The following CPA3 variants were observed in gnomAD, a reference collection of about 807,000 sequenced individuals.
CPA3 encodes mast cell carboxypeptidase A.
A neutral mutation model predicts 55.8 loss-of-function variants in CPA3; 52 were observed. The ratio of observed to expected loss-of-function variants is 0.93; its 90% CI spans 0.75 to 1.17. The LOEUF (loss-of-function observed/expected upper bound fraction) is 1.17. CPA3 is among the 50% of genes most tolerant of loss of function. CPA3 has a pLI of 0.00. For missense variants in CPA3, 547 were observed against 509.1 expected (o/e 1.07, Z -0.72); for synonymous variants, 179 against 171.2 (o/e 1.05, Z -0.36).
intron 2 of CPA3, among the ~76,000 whole-genome samples, chr3:148,866,022 T>C (rs1713891948): frequency 6.6e-6 from 1 of 152,212 alleles, no homozygotes; most frequent in South Asian, 2.1e-4. Flanking sequence ...ATCAATCCTT[T>C]AAAATCCAAC....
Position 148,896,668 on chromosome 3 carries a change from C to A in CPA3, c.1215C>A (p.Val405=). ...KPTCRETMLA[V]KFIAKYILKH... ...CGTGCAGAGAGACCATGCTAGCTGT[C>A]AAATTTATTGCCAAGTATATCCTCA... is the stretch of plus-strand genomic sequence containing the variant. Residue 405 remains valine (V), a synonymous_variant, in exon 11 of 11, where the codon GTC becomes GTA. Coordinates refer to ENST00000296046, the MANE Select transcript of CPA3 (RefSeq NM_001870.4). The A allele has an allele frequency of 6.4e-7, 1 of 1,557,644 alleles. No individual in the cohort carries two copies. The highest frequency in any genetic ancestry group is 1.7e-4 in the Middle Eastern group (1 of 5,868).
intron 10 of CPA3, among the ~76,000 whole-genome samples, chr3:148,889,889 A>G (rs1053920682): frequency 6.9e-5 from 10 of 144,266 alleles, no homozygotes; most frequent in African/African-American, 2.4e-4. Context: ...AAAAAAAAAG[A>G]ATCATCAGGA....
At position 148,886,272 on chromosome 3, in the gene CPA3, T is replaced by C. The variant is rs1714524952; in HGVS notation, c.1066+95T>C. 9.1e-6 allele frequency: 7 copies of C among 771,642 alleles called. No homozygotes were observed. In the East Asian group the frequency reaches 1.6e-4, roughly 18 times the overall value. The allele number at this position is 771,642 out of a possible 1,614,324, so 47.8% of individuals were successfully genotyped here. ...GGAATTTGCAATTTAGGTTAGAGCA[T>C]CTGGAATTGCTAATTTAAATTCTAC... On this transcript the variant is annotated intron_variant, in intron 10 of 10. Transcript: ENST00000296046.
chr3:148,886,118 A>T lies in CPA3; in HGVS notation c.1007A>T (p.Asp336Val). The change falls in exon 10 of 11, where the codon GAT becomes GTT. Residue 336 changes from aspartate (D) to valine (V), a missense_variant. Coordinates refer to ENST00000296046, the MANE Select transcript of CPA3 (RefSeq NM_001870.4). ...GCCAAAGTTGCAAAGATTGGCACTG[A>T]TGTTCTATCAACTCGATATGAAACC... ...DLAKVAKIGT[D>V]VLSTRYETRY... 6.2e-7 allele frequency: 1 copy of T among 1,613,712 alleles called. No individual in the cohort carries two copies. Among genetic ancestry groups the T allele is most frequent in the Non-Finnish European group, 8.5e-7 (1 of 1,179,786 alleles).
intron 9 of CPA3, among the ~76,000 whole-genome samples, chr3:148,885,438 G>A (rs2108037076): frequency 8.5e-6 from 1 of 117,336 alleles, no homozygotes; most frequent in Middle Eastern, 7.1e-3. Flanking sequence ...TTTAGACGGA[G>A]TCTCGCTCTG....
At position 148,871,763 on chromosome 3, in the gene CPA3, G is replaced by T. The variant is rs550829739; in HGVS notation, c.269+2724G>T. 4.6e-5 allele frequency among the ~76,000 whole-genome samples: 7 copies of T among 152,336 alleles called. No individual in the cohort carries two copies. In the South Asian group the frequency reaches 1.4e-3, roughly 32 times the overall value. On this transcript the variant is annotated intron_variant, in intron 3 of 10. Coordinates refer to ENST00000296046, the MANE Select transcript of CPA3 (RefSeq NM_001870.4). ...TACAAAGTGGCCCAAATCAGCCACAGTTATGGGAAAGCCAAATAATTAGAT... is the reference window on the plus strand; with the variant it reads ...TACAAAGTGGCCCAAATCAGCCACATTTATGGGAAAGCCAAATAATTAGAT...
chr3:148,894,535 A>T (rs1714773332), intron 10 of CPA3, among the ~76,000 whole-genome samples: 1 of 152,186 alleles, frequency 6.6e-6, no homozygotes, highest in Non-Finnish European at 1.5e-5. Context: ...CACTAATTAA[A>T]GACACATGGG....
In CPA3 at chr3:148,883,730, T is replaced by C. The variant is rs1388040656; in HGVS notation, c.896T>C (p.Val299Ala). Residue 299 changes from valine (V) to alanine (A), a missense_variant, in exon 9 of 11, where the codon GTT becomes GCT. Val to Ala is a moderately conservative substitution (Grantham distance 64). Transcript: ENST00000296046. ...AGAAGCCACCTGAATGAAATCAAGG[T>C]TTACATCACCTTCCATTCCTACTCC... Reference protein sequence around the residue: ...FIRSHLNEIKVYITFHSYSQM... With the variant: ...FIRSHLNEIKAYITFHSYSQM... The C allele has an allele frequency of 6.2e-7, 1 of 1,613,980 alleles. No homozygotes were observed. Among genetic ancestry groups the C allele is most frequent in the Non-Finnish European group, 8.5e-7 (1 of 1,179,916 alleles).
In CPA3 at chr3:148,865,652, A is replaced by G. The variant is rs140701969; in HGVS notation, c.144+104A>G. ...ATGGGACTACAAAAGACTATTGAACATAAGGGGAAAGCAGGAGCTATCTGG... is the reference window on the plus strand; with the variant it reads ...ATGGGACTACAAAAGACTATTGAACGTAAGGGGAAAGCAGGAGCTATCTGG... On this transcript the variant is annotated intron_variant, in intron 2 of 10. Transcript: ENST00000296046. The G allele has an allele frequency of 2.4e-4, 244 of 1,009,730 alleles. 1 individual carries two copies. In the African/African-American group the frequency reaches 3.7e-3, roughly 15 times the overall value. The allele number at this position is 1,009,730 out of a possible 1,614,324, so 62.5% of individuals were successfully genotyped here. A position where few individuals can be genotyped will look rare whatever the true frequency, so the allele number is the denominator to read the frequency against.
rs115556828 is a variant in CPA3 at position 148,877,898 on chromosome 3, G to A, written c.270-543G>A. 8.4e-3 allele frequency among the ~76,000 whole-genome samples: 1,281 copies of A among 152,228 alleles called. 10 individuals carry two copies. Among genetic ancestry groups the A allele is most frequent in the Non-Finnish European group, 0.015 (990 of 68,018 alleles). On this transcript the variant is annotated intron_variant, in intron 3 of 10. Transcript: ENST00000296046. ...TGCATGAAAGAATCCCTTGTTGCCT[G>A]TGTTTATGTGGATGTAGATGTGTGT...
At chr3:148,867,343 C>T (rs768140737) in intron 2 of CPA3, among the ~76,000 whole-genome samples, 8 of 152,204 alleles carry the variant, frequency 5.3e-5, no homozygotes, top group Admixed American at 1.3e-4. Context: ...TTTGGCTGCT[C>T]CTTGTGCTCC....
intron 2 of CPA3, among the ~76,000 whole-genome samples, 161 bp downstream of exon 2, chr3:148,865,709 T>C (rs1316361321): frequency 6.6e-6 from 1 of 152,206 alleles, no homozygotes; most frequent in East Asian, 1.9e-4. Flanking sequence ...ACTTCACCTG[T>C]TCTGGTTTTG....
intron 10 of CPA3, among the ~76,000 whole-genome samples, chr3:148,894,309 G>A (rs1714761721): frequency 6.6e-6 from 1 of 152,000 alleles, no homozygotes; most frequent in African/African-American, 2.4e-5. Flanking sequence ...TTAGACTGTG[G>A]TAAGTTATGT....
intron 6 of CPA3, among the ~76,000 whole-genome samples, chr3:148,880,817 T>C (rs1714341988): frequency 6.6e-6 from 1 of 152,148 alleles, no homozygotes; most frequent in South Asian, 2.1e-4. Context: ...TAGAAAAGAA[T>C]CCACCAGGAA....
chr3:148,891,114 C>G (rs1180814666), intron 10 of CPA3, among the ~76,000 whole-genome samples: 1 of 152,160 alleles, frequency 6.6e-6, no homozygotes, highest in African/African-American at 2.4e-5. Context: ...GTTGCTTAAT[C>G]TCTCTGAGCC....
chr3:148,883,537 T>C, intron 8 of CPA3, 76 bp from the exon 9 acceptor site: 4 of 1,186,010 alleles, frequency 3.4e-6, no homozygotes, highest in Non-Finnish European at 3.7e-6. Context: ...TCTGTGAATC[T>C]ATAATACATT....
intron 10 of CPA3, among the ~76,000 whole-genome samples, chr3:148,893,052 A>T (rs1229550780): frequency 6.6e-6 from 1 of 152,174 alleles, no homozygotes; most frequent in Admixed American, 6.5e-5. Context: ...ATTACCTGCT[A>T]AATTGAAGAT....
intron 10 of CPA3, among the ~76,000 whole-genome samples, chr3:148,893,207 TC>T (rs1714724134): frequency 6.6e-6 from 1 of 151,754 alleles, no homozygotes; most frequent in Non-Finnish European, 1.5e-5. Context: ...GATTGCAGTT[TC>T]AAACATTGGA....
rs181269460 is a variant in CPA3 at position 148,876,876 on chromosome 3, T to A, written c.270-1565T>A. 7.9e-3 allele frequency among the ~76,000 whole-genome samples: 1,197 copies of A among 152,320 alleles called. 24 individuals are homozygous for A. Among genetic ancestry groups the A allele is most frequent in the African/African-American group, 0.027 (1,116 of 41,564 alleles). On this transcript the variant is annotated intron_variant, in intron 3 of 10. Coordinates refer to ENST00000296046, the MANE Select transcript of CPA3 (RefSeq NM_001870.4). ...TTGCATATATGATGATGACATTTTT[T>A]AAAAATAAATCTTGAAATGAGGCAG...
Sources: allele counts gnomAD v4.1 joint callset (sites outside exome capture counted in the v4.1 genomes callset), GRCh38; gene constraint gnomAD v4.1.1; transcripts MANE v1.5; gene names NCBI Gene and HGNC (gene_info 2026-07-23, HGNC 2026-07-21).